PPM1H: variants seen among roughly 807,000 people sequenced by gnomAD.
PPM1H encodes the protein protein phosphatase 1H.
In PPM1H, 27 loss-of-function variants were observed where a neutral mutation model predicts 54.9. The ratio of observed to expected loss-of-function variants is 0.49; its 90% CI spans 0.36 to 0.68. The LOEUF (loss-of-function observed/expected upper bound fraction) is 0.68. PPM1H is among the 30% of genes least tolerant of loss of function. The pLI, the probability that PPM1H is intolerant of heterozygous loss-of-function variation, is 0.00. For missense variants in PPM1H, 596 were observed against 667.8 expected (o/e 0.89, Z 1.19); for synonymous variants, 305 against 270.8 (o/e 1.13, Z -1.24).
intron 1 of PPM1H, among the ~76,000 whole-genome samples, chr12:62,910,622 G>A (rs1035117846): frequency 1.3e-5 from 2 of 152,022 alleles, no homozygotes; most frequent in African/African-American, 4.8e-5. Context: ...TTGACTTATG[G>A]CACTTTATCC....
rs1013807190 is a variant in PPM1H at position 62,694,053 on chromosome 12, C to A, written c.1074-54G>T. ...AGGTTTGCACTCAATTAGTGACCTG[C>A]TGCCCTGACACCGACTGCTAGGGAT... On this transcript the variant is annotated intron_variant, in intron 6 of 9. Transcript: ENST00000228705. 6.1e-6 allele frequency: 9 copies of A among 1,478,252 alleles called. No individual in the cohort carries two copies. In the Admixed American group the frequency reaches 1.5e-4, roughly 25 times the overall value. The allele number at this position is 1,478,252 out of a possible 1,614,324, so 91.6% of individuals were successfully genotyped here.
At chr12:62,788,587 C>A in intron 3 of PPM1H, 1 of 378,180 alleles carries the variant, frequency 2.6e-6, no homozygotes, top group Non-Finnish European at 4.8e-6. Context: ...AACAATCAGA[C>A]AAAAATGCAA....
chr12:62,701,686 T>C (rs2076144777), intron 6 of PPM1H, among the ~76,000 whole-genome samples: 1 of 151,516 alleles, frequency 6.6e-6, no homozygotes, highest in Admixed American at 6.6e-5. Flanking sequence ...GTTTGTTTTT[T>C]TTTTTTGACA....
At chr12:62,825,893 T>C (rs986708500) in intron 2 of PPM1H, among the ~76,000 whole-genome samples, 1 of 148,604 alleles carries the variant, frequency 6.7e-6, no homozygotes, top group Non-Finnish European at 1.5e-5. Flanking sequence ...AAAAAAAAAA[T>C]AATAAAATGC....
intron 1 of PPM1H, among the ~76,000 whole-genome samples, chr12:62,918,178 A>G (rs1871682278): frequency 6.6e-6 from 1 of 152,208 alleles, no homozygotes; most frequent in African/African-American, 2.4e-5. Flanking sequence ...GAAGCCACAG[A>G]CTGGCTAGGG....
intron 4 of PPM1H, among the ~76,000 whole-genome samples, chr12:62,783,997 T>A (rs1194484068): frequency 6.6e-6 from 1 of 152,238 alleles, no homozygotes; most frequent in Admixed American, 6.5e-5. Context: ...TGCATATTGC[T>A]TTGCATGACA....
intron 8 of PPM1H, among the ~76,000 whole-genome samples, chr12:62,668,911 C>T (rs1053884695): frequency 4.6e-5 from 7 of 152,218 alleles, no homozygotes; most frequent in African/African-American, 1.7e-4. Flanking sequence ...AGTCTATTCC[C>T]AGCAGCAGAA....
At chr12:62,930,915 G>A (rs1872113335) in intron 1 of PPM1H, among the ~76,000 whole-genome samples, 1 of 152,172 alleles carries the variant, frequency 6.6e-6, no homozygotes, top group African/African-American at 2.4e-5. Context: ...AGCTGTAATA[G>A]GAAGCTTTTC....
intron 5 of PPM1H, among the ~76,000 whole-genome samples, chr12:62,734,019 G>A (rs1169486745): frequency 6.6e-6 from 1 of 152,126 alleles, no homozygotes; most frequent in Non-Finnish European, 1.5e-5. Flanking sequence ...ATGGCATTTA[G>A]ATGTGGGGCC....
intron 2 of PPM1H, among the ~76,000 whole-genome samples, chr12:62,826,383 AG>A (rs1350620256): frequency 2.0e-5 from 3 of 152,190 alleles, no homozygotes; most frequent in African/African-American, 7.2e-5. Flanking sequence ...TGGGAGGCAA[AG>A]GTTGCAGTGA....
At chr12:62,842,524 G>C (rs1868790972) in intron 1 of PPM1H, among the ~76,000 whole-genome samples, 1 of 152,132 alleles carries the variant, frequency 6.6e-6, no homozygotes, top group Admixed American at 6.5e-5. Flanking sequence ...TTAATTGACA[G>C]GTCCTCAAAA....
intron 2 of PPM1H, among the ~76,000 whole-genome samples, chr12:62,822,196 G>C (rs1222668745): frequency 6.6e-6 from 1 of 152,046 alleles, no homozygotes; most frequent in African/African-American, 2.4e-5. Flanking sequence ...AATTCAACAA[G>C]AAGAGCTAAC....
At chr12:62,795,894 AT>A (rs1358283585) in intron 3 of PPM1H, among the ~76,000 whole-genome samples, 2 of 151,728 alleles carry the variant, frequency 1.3e-5, no homozygotes, top group Non-Finnish European at 2.9e-5. Flanking sequence ...GCCTGGCTAA[AT>A]TTTTAATAAT....
chr12:62,932,628 C>CTTTTTTT (rs61003358), intron 1 of PPM1H, among the ~76,000 whole-genome samples: 10,743 of 53,620 alleles, frequency 0.2, 3,369 homozygotes, highest in Non-Finnish European at 0.22. Context: ...TCCAAATGGG[C>CTTTTTTT]TTTTTTTTTT....
chr12:62,716,632 T>A (rs556794156), intron 6 of PPM1H, among the ~76,000 whole-genome samples: 15 of 152,258 alleles, frequency 9.9e-5, no homozygotes, highest in African/African-American at 3.4e-4. Flanking sequence ...GCCCAAGCAA[T>A]CCTTCCACCT....
intron 1 of PPM1H, among the ~76,000 whole-genome samples, chr12:62,897,026 C>T (rs2121101092): frequency 6.8e-6 from 1 of 147,330 alleles, no homozygotes; most frequent in East Asian, 2.0e-4. Flanking sequence ...CACATATTCT[C>T]ACTCGCAGGT....
At chr12:62,655,697 G>A (rs758503498) in intron 9 of PPM1H, among the ~76,000 whole-genome samples, 44 of 152,164 alleles carry the variant, frequency 2.9e-4, no homozygotes, top group Non-Finnish European at 5.9e-4. Context: ...ACACCAACTG[G>A]GACTGTGTGG....
chr12:62,746,821 T>C (rs1251242984), intron 4 of PPM1H, among the ~76,000 whole-genome samples: 1 of 152,202 alleles, frequency 6.6e-6, no homozygotes, highest in Non-Finnish European at 1.5e-5. Context: ...AGAAGCTCAT[T>C]CACACCCCCC....
At chr12:62,757,437 A>G (rs2076483167) in intron 4 of PPM1H, among the ~76,000 whole-genome samples, 1 of 152,232 alleles carries the variant, frequency 6.6e-6, no homozygotes. Context: ...TAAGTTCTAG[A>G]GAAACTATTA....
Sources: gnomAD v4.1 joint callset for allele counts (sites outside exome capture counted in the v4.1 genomes callset) on GRCh38, gnomAD v4.1.1 for gene constraint, MANE v1.5 for transcripts, NCBI Gene and HGNC (gene_info 2026-07-23, HGNC 2026-07-21) for gene names.